GCFC2: variants seen among roughly 807,000 people sequenced by gnomAD.
GCFC2 encodes the protein GC-rich sequence DNA-binding factor 2.
A neutral mutation model predicts 99.4 loss-of-function variants in GCFC2; 102 were observed. The ratio of observed to expected loss-of-function variants is 1.03; its 90% CI spans 0.87 to 1.21. The LOEUF is 1.21. Among genes scored for constraint, GCFC2 ranks in the 50% most tolerant of loss-of-function variants. The probability of loss-of-function intolerance (pLI) is 0.00; values close to 1 mark genes in which losing one functional copy is unlikely to be tolerated. For missense variants in GCFC2, 973 were observed against 920.9 expected (o/e 1.06, Z -0.73); for synonymous variants, 338 against 316.8 (o/e 1.07, Z -0.71).
intron 11 of GCFC2, among the ~76,000 whole-genome samples, chr2:75,685,390 G>T (rs1573062618): frequency 6.6e-6 from 1 of 152,172 alleles, no homozygotes; most frequent in Admixed American, 6.5e-5. Context: ...CCTACCTAAT[G>T]CGCTCTTAGC....
At chr2:75,694,216 G>T (rs1393731750) in intron 6 of GCFC2, 25 bp downstream of exon 6, 4 of 608,576 alleles carry the variant, frequency 6.6e-6, no homozygotes, top group Non-Finnish European at 1.1e-5. Flanking sequence ...AAAAGGAAAT[G>T]ATATAAATAA....
intron 4 of GCFC2, among the ~76,000 whole-genome samples, chr2:75,698,505 A>G (rs1680431159): frequency 6.6e-6 from 1 of 152,206 alleles, no homozygotes; most frequent in African/African-American, 2.4e-5. Flanking sequence ...CAGTTGTTAT[A>G]ACGATATAAA....
chr2:75,672,144 GTTTAT>G (rs886727925), intron 13 of GCFC2, 128 bp from the exon 14 acceptor site: 81 of 192,058 alleles, frequency 4.2e-4, no homozygotes, highest in African/African-American at 1.7e-3. Context: ...AATAGAGATT[GTTTAT>G]TTTATTTTAT....
intron 11 of GCFC2, among the ~76,000 whole-genome samples, chr2:75,683,446 G>A (rs1009887778): frequency 6.6e-5 from 10 of 150,430 alleles, no homozygotes; most frequent in Non-Finnish European, 1.2e-4. Flanking sequence ...TGAAGGAAGC[G>A]CTAAACATGG....
At chr2:75,699,611 C>T (rs1230171118) in intron 4 of GCFC2, among the ~76,000 whole-genome samples, 1 of 147,906 alleles carries the variant, frequency 6.8e-6, no homozygotes, top group Non-Finnish European at 1.5e-5. Context: ...GGGTCTCACT[C>T]TGTTGCCCAG....
chr2:75,703,110 CATAA>C (rs1178582331), intron 2 of GCFC2, among the ~76,000 whole-genome samples: 1 of 152,072 alleles, frequency 6.6e-6, no homozygotes, highest in Non-Finnish European at 1.5e-5. Context: ...TTTTGTACAG[CATAA>C]ATATCATTAG....
upstream of GCFC2, among the ~76,000 whole-genome samples, chr2:75,712,206 G>A (rs183881793): frequency 2.3e-3 from 266 of 116,058 alleles, 1 homozygote; most frequent in African/African-American, 6.5e-3. Flanking sequence ...AGCTGCTCTG[G>A]TGGGGCCTTG....
In GCFC2 at chr2:75,710,722, G is replaced by A; in HGVS notation, c.134C>T (p.Pro45Leu). The part of the protein sequence containing the change: ...LPVPGSAEEE[P>L]PSGGGRAQVA... ...CTGCGCGCGGCCTCCTCCAGAGGGCGGCTCTTCCTCCGCAGAACCCGGGAC... is the reference window on the plus strand; with the variant it reads ...CTGCGCGCGGCCTCCTCCAGAGGGCAGCTCTTCCTCCGCAGAACCCGGGAC... The change falls in exon 1 of 17, where the codon CCG (proline) becomes CTG (leucine). Residue 45 changes from proline (P) to leucine (L), a missense_variant. Physicochemically the swap from Pro to Leu is moderately conservative, Grantham distance 98 (BLOSUM62 -3). Transcript: ENST00000321027. The A allele has an allele frequency of 2.6e-6, 4 of 1,553,310 alleles. No homozygotes were observed. Among genetic ancestry groups the A allele is most frequent in the Non-Finnish European group, 3.5e-6 (4 of 1,154,194 alleles).
Position 75,706,617 on chromosome 2 carries a change from C to T in GCFC2, c.300G>A (p.Glu100=), listed in dbSNP as rs759373759. The T allele has an allele frequency of 3.8e-6, 6 of 1,594,996 alleles. No homozygotes were observed. The Admixed American group carries it at 6.7e-5, about 18-fold the overall frequency. The change falls in exon 2 of 17, where the codon GAG becomes GAA. Residue 100 remains glutamate, a synonymous_variant. Coordinates refer to ENST00000321027, the MANE Select transcript of GCFC2 (RefSeq NM_003203.5). ...TTTCTGAGGAGTGATGTATTTTATC[C>T]TCTTCATCTGTGGACACATCAAGGG... ...SRTLDVSTDE[E]DKIHHSSESK...
chr2:75,701,748 C>T (rs1345829235), intron 3 of GCFC2: 2 of 439,532 alleles, frequency 4.6e-6, no homozygotes, highest in Non-Finnish European at 6.1e-6. Flanking sequence ...TGGTCAAATG[C>T]ATATATCATA....
intron 1 of GCFC2, among the ~76,000 whole-genome samples, chr2:75,707,940 T>G (rs1021620201): frequency 8.5e-5 from 13 of 152,194 alleles, no homozygotes; most frequent in Non-Finnish European, 1.8e-4. Flanking sequence ...TTTTATTAAA[T>G]TTTGACCCTT....
chr2:75,702,056 C>T, intron 3 of GCFC2, 143 bp downstream of exon 3: 1 of 1,442,054 alleles, frequency 6.9e-7, no homozygotes, highest in South Asian at 1.5e-5. Flanking sequence ...TTAGAGGTCA[C>T]AATATCATGG....
intron 1 of GCFC2, among the ~76,000 whole-genome samples, chr2:75,706,917 A>T (rs1427009375): frequency 1.3e-5 from 2 of 152,200 alleles, no homozygotes; most frequent in East Asian, 3.8e-4. Flanking sequence ...GAGGCATTAG[A>T]GAAAAAAAAA....
In GCFC2 at chr2:75,690,721, T is replaced by G; in HGVS notation, c.1145-2A>C. On this transcript the variant is annotated splice_acceptor_variant, in intron 7 of 16. Transcript: ENST00000321027. LOFTEE classifies it high-confidence loss of function. ...CACTTGTGGATGTCTCATCTTTGCCTGTTAATAAATAAAATTGACTTCATA... is the reference window on the plus strand; with the variant it reads ...CACTTGTGGATGTCTCATCTTTGCCGGTTAATAAATAAAATTGACTTCATA... The G allele has an allele frequency of 6.8e-7, 1 of 1,461,042 alleles. No homozygotes were observed. The highest frequency in any genetic ancestry group is 9.4e-7 in the Non-Finnish European group (1 of 1,058,236). The allele number at this position is 1,461,042 out of a possible 1,614,324, so 90.5% of individuals were successfully genotyped here. A position where few individuals can be genotyped will look rare whatever the true frequency, so the allele number is the denominator to read the frequency against.
chr2:75,675,246 C>T (rs1390609107), intron 12 of GCFC2, among the ~76,000 whole-genome samples: 2 of 152,058 alleles, frequency 1.3e-5, no homozygotes, highest in East Asian at 1.9e-4. Flanking sequence ...CTTGTCTTAA[C>T]AAATATGCAC....
intron 14 of GCFC2, among the ~76,000 whole-genome samples, chr2:75,671,053 T>G (rs1301855688): frequency 6.6e-6 from 1 of 152,214 alleles, no homozygotes; most frequent in African/African-American, 2.4e-5. Flanking sequence ...TCAAATCCAA[T>G]AAACAGTGTT....
chr2:75,709,850 C>G (rs6761400), intron 1 of GCFC2, among the ~76,000 whole-genome samples: 74,951 of 152,034 alleles, frequency 0.49, 19,791 homozygotes, highest in African/African-American at 0.71. Flanking sequence ...ACTTTAATGA[C>G]AATAAAAAAT....
intron 11 of GCFC2, among the ~76,000 whole-genome samples, chr2:75,686,707 G>C (rs1679831048): frequency 6.6e-6 from 1 of 152,154 alleles, no homozygotes; most frequent in Non-Finnish European, 1.5e-5. Context: ...TCACACCACT[G>C]TACTCCAGTC....
At position 75,706,653 on chromosome 2, in the gene GCFC2, TA is replaced by T; in HGVS notation, c.266-3del. Reference sequence around the variant, plus strand: ...TGGACACATCAAGGGTTCTGGATTCTAACAGGACATTTTAAAAATACAACAA... The same window carrying T: ...TGGACACATCAAGGGTTCTGGATTCTACAGGACATTTTAAAAATACAACAA... On this transcript the variant is annotated splice_region_variant and splice_polypyrimidine_tract_variant and intron_variant, in intron 1 of 16. Transcript: ENST00000321027. The T allele has an allele frequency of 6.4e-7, 1 of 1,551,864 alleles. No homozygotes were observed. Among genetic ancestry groups the T allele is most frequent in the Non-Finnish European group, 8.8e-7 (1 of 1,142,254 alleles).
Sources: gnomAD v4.1 joint callset for allele counts (sites outside exome capture counted in the v4.1 genomes callset) on GRCh38, gnomAD v4.1.1 for gene constraint, MANE v1.5 for transcripts, NCBI Gene and HGNC (gene_info 2026-07-23, HGNC 2026-07-21) for gene names.